NFATC3: variants seen among roughly 807,000 people sequenced by gnomAD.
NFATC3 encodes the protein nuclear factor of activated T-cells, cytoplasmic 3.
NFATC3 carries 46 observed loss-of-function variants against 98.6 expected under a neutral mutation model. The observed-to-expected ratio is 0.47, with a 90% confidence interval of 0.37 to 0.60. The LOEUF (loss-of-function observed/expected upper bound fraction) is 0.60. Ranked by LOEUF, NFATC3 falls within the 20% of genes least tolerant of loss-of-function variation. The pLI, the probability that NFATC3 is intolerant of heterozygous loss-of-function variation, is 0.00. For missense variants in NFATC3, 1,256 were observed against 1,295.5 expected (o/e 0.97, Z 0.47); for synonymous variants, 512 against 472.2 (o/e 1.08, Z -1.09).
chr16:68,085,430 A>G lies in NFATC3; in HGVS notation c.-252A>G, dbSNP rs1403732367. 7 of 313,398 alleles carry G rather than the reference A, an allele frequency of 2.2e-5. No individual in the cohort carries two copies. In the South Asian group the frequency reaches 5.1e-4, roughly 23 times the overall value. The allele number at this position is 313,398 out of a possible 1,614,324, so 19.4% of individuals were successfully genotyped here. A position where few individuals can be genotyped will look rare whatever the true frequency, so the allele number is the denominator to read the frequency against. On this transcript the variant is annotated 5_prime_UTR_variant, in exon 1 of 10. Transcript: ENST00000346183. ...CGACTGTGGGGGGGCGGCGGGGAAC[A>G]TTGGCTAAGCCGACAGTGGAGGCTT...
At chr16:68,199,147 C>T (rs1240079812) in intron 9 of NFATC3, among the ~76,000 whole-genome samples, 3 of 151,898 alleles carry the variant, frequency 2.0e-5, no homozygotes, top group African/African-American at 7.2e-5. Flanking sequence ...ACCCAGGAGG[C>T]GGAGGTTACA....
At chr16:68,163,663 G>T (rs2039024433) in intron 4 of NFATC3, among the ~76,000 whole-genome samples, 1 of 151,044 alleles carries the variant, frequency 6.6e-6, no homozygotes, top group Non-Finnish European at 1.5e-5. Context: ...CTGCCGGGCG[G>T]AGGGTCTCCT....
At position 68,226,478 on chromosome 16, in the gene NFATC3, T is replaced by G; in HGVS notation, c.*7T>G. On this transcript the variant is annotated 3_prime_UTR_variant, in exon 10 of 10. Transcript: ENST00000346183. ...AAGATCTGATGGGCTCTAACAGTGC[T>G]TACTGCAGCCTTGTGTCCACCACCA... 6.7e-7 allele frequency: 1 copy of G among 1,500,338 alleles called. No homozygotes were observed. The highest frequency in any genetic ancestry group is 8.8e-7 in the Non-Finnish European group (1 of 1,131,260). The allele number at this position is 1,500,338 out of a possible 1,614,324, so 92.9% of individuals were successfully genotyped here. A position where few individuals can be genotyped will look rare whatever the true frequency, so the allele number is the denominator to read the frequency against.
At chr16:68,102,258 G>C (rs1212819476) in intron 1 of NFATC3, among the ~76,000 whole-genome samples, 2 of 150,940 alleles carry the variant, frequency 1.3e-5, no homozygotes, top group East Asian at 3.9e-4. Context: ...TGTAATCCCA[G>C]CTACTTGGGA....
chr16:68,214,273 T>G (rs2041540035), intron 9 of NFATC3: 2 of 1,372,500 alleles, frequency 1.5e-6, no homozygotes, highest in Non-Finnish European at 2.1e-6. Context: ...TGTAGTAGAT[T>G]AAGTTCACCC....
At chr16:68,176,193 G>A (rs2039694772) in intron 6 of NFATC3, among the ~76,000 whole-genome samples, 1 of 152,004 alleles carries the variant, frequency 6.6e-6, no homozygotes, top group South Asian at 2.1e-4. Flanking sequence ...GGCCAGGCTG[G>A]TCTCTAACTC....
intron 3 of NFATC3, among the ~76,000 whole-genome samples, chr16:68,138,268 G>A (rs2037553987): frequency 6.7e-6 from 1 of 150,102 alleles, no homozygotes; most frequent in Non-Finnish European, 1.5e-5. Context: ...TCGAACTCCT[G>A]ACCTCAAGTA....
At chr16:68,119,215 C>T (rs1019280644) in intron 1 of NFATC3, among the ~76,000 whole-genome samples, 5 of 152,096 alleles carry the variant, frequency 3.3e-5, no homozygotes, top group African/African-American at 1.2e-4. Flanking sequence ...TTGGTGTCAC[C>T]CTTGACTGTT....
chr16:68,138,996 G>C (rs560585211), intron 3 of NFATC3, among the ~76,000 whole-genome samples: 2 of 151,824 alleles, frequency 1.3e-5, no homozygotes, highest in Non-Finnish European at 2.9e-5. Context: ...TTACTTATTC[G>C]ATATGTATTT....
intron 9 of NFATC3, among the ~76,000 whole-genome samples, chr16:68,215,174 C>T (rs986747493): frequency 3.9e-5 from 6 of 152,112 alleles, no homozygotes; most frequent in African/African-American, 1.4e-4. Flanking sequence ...CTACCCAAAC[C>T]TTTATATTTA....
intron 5 of NFATC3, 75 bp from the exon 6 acceptor site, chr16:68,174,299 G>A (rs1317542016): frequency 8.5e-7 from 1 of 1,178,148 alleles, no homozygotes; most frequent in African/African-American, 1.6e-5. Context: ...TGTAGCTTGA[G>A]TTTGTCATTT....
intron 9 of NFATC3, chr16:68,221,392 G>A (rs186270937): frequency 2.0e-4 from 293 of 1,501,024 alleles, no homozygotes; most frequent in Non-Finnish European, 2.4e-4. Context: ...AAAGGTCTGT[G>A]AAAGCACTTT....
chr16:68,121,759 A>G (rs550011383), intron 1 of NFATC3, among the ~76,000 whole-genome samples: 1 of 152,268 alleles, frequency 6.6e-6, no homozygotes, highest in Admixed American at 6.5e-5. Context: ...GAAAAATTAC[A>G]TATGTAATTG....
intron 7 of NFATC3, 131 bp from the exon 8 acceptor site, chr16:68,183,109 A>G (rs113521655): frequency 5.9e-6 from 5 of 852,740 alleles, no homozygotes; most frequent in African/African-American, 3.5e-5. Flanking sequence ...CAGATGATGT[A>G]TATGACTAGC....
At chr16:68,112,728 G>A (rs1418761669) in intron 1 of NFATC3, among the ~76,000 whole-genome samples, 4 of 136,102 alleles carry the variant, frequency 2.9e-5, no homozygotes, top group Non-Finnish European at 4.5e-5. Flanking sequence ...GCGCAATCTC[G>A]GCTCACTGCA....
intron 1 of NFATC3, among the ~76,000 whole-genome samples, chr16:68,091,864 A>G (rs1382291827): frequency 2.6e-5 from 4 of 152,228 alleles, no homozygotes; most frequent in South Asian, 2.1e-4. Context: ...AAATTTGCCC[A>G]GGCATGCCAT....
chr16:68,125,727 T>G (rs1357969097), intron 2 of NFATC3, among the ~76,000 whole-genome samples: 2 of 152,174 alleles, frequency 1.3e-5, no homozygotes, highest in African/African-American at 4.8e-5. Context: ...TGTGCCTCTT[T>G]GTTTTAAAAA....
chr16:68,187,335 G>A (rs528650173), intron 8 of NFATC3, among the ~76,000 whole-genome samples: 26 of 152,340 alleles, frequency 1.7e-4, no homozygotes, highest in South Asian at 6.2e-4. Context: ...CCTGAAGGCC[G>A]CAGCTCTTCT....
chr16:68,129,535 A>G (rs1292468759), intron 3 of NFATC3, among the ~76,000 whole-genome samples: 2 of 151,478 alleles, frequency 1.3e-5, no homozygotes, highest in African/African-American at 2.4e-5. Flanking sequence ...TTCCTTTCCC[A>G]TATATTTTGT....
Sources: gnomAD v4.1 joint callset for allele counts (sites outside exome capture counted in the v4.1 genomes callset) on GRCh38, gnomAD v4.1.1 for gene constraint, MANE v1.5 for transcripts, NCBI Gene and HGNC (gene_info 2026-07-23, HGNC 2026-07-21) for gene names.